The following KLF7 variants were observed in gnomAD, a reference collection of about 807,000 sequenced individuals.
KLF7 encodes the protein KLF transcription factor 7.
Under a neutral mutation model 27.3 loss-of-function variants are expected in KLF7, and 2 were observed. That is an observed-to-expected ratio of 0.07 (90% confidence interval 0.03 to 0.23). The LOEUF is 0.23. KLF7 is among the 10% of genes least tolerant of loss of function. The probability of loss-of-function intolerance (pLI) is 1.00; values close to 1 mark genes in which losing one functional copy is unlikely to be tolerated. For missense variants in KLF7, 221 were observed against 394.1 expected (o/e 0.56, Z 3.72); for synonymous variants, 165 against 162.4 (o/e 1.02, Z -0.12).
In KLF7 at chr2:207,081,127, G is replaced by T. The variant is rs2076261157; in HGVS notation, c.*86C>A. ...AGAACTTTCTTCTGCGAGGCAATGG[G>T]TCCCCGCCTGAAGTCCAGCCCCCTG... is the stretch of plus-strand genomic sequence containing the variant. On this transcript the variant is annotated 3_prime_UTR_variant, in exon 4 of 4. Coordinates refer to ENST00000309446, the MANE Select transcript of KLF7 (RefSeq NM_003709.4). The T allele has an allele frequency of 1.3e-5, 15 of 1,165,078 alleles. No individual in the cohort carries two copies. The highest frequency in any genetic ancestry group is 6.5e-6 in the Non-Finnish European group (5 of 771,826). The allele number at this position is 1,165,078 out of a possible 1,614,324, so 72.2% of individuals were successfully genotyped here.
intron 1 of KLF7, among the ~76,000 whole-genome samples, chr2:207,148,182 T>C (rs140549378): frequency 6.6e-6 from 1 of 152,328 alleles, no homozygotes; most frequent in African/African-American, 2.4e-5. Context: ...CTCAAGTGTT[T>C]TGTCACATTC....
At position 207,077,409 on chromosome 2, in the gene KLF7, G is replaced by T. The variant is rs1023651738; in HGVS notation, c.*3804C>A. Reference sequence around the variant, plus strand: ...GGATTCAGTTCTGCTAATCAGGCATGAGGTTGGCTGTCCTTTTACCCTGTT... The same window carrying T: ...GGATTCAGTTCTGCTAATCAGGCATTAGGTTGGCTGTCCTTTTACCCTGTT... On this transcript the variant is annotated 3_prime_UTR_variant, in exon 4 of 4. Coordinates refer to ENST00000309446, the MANE Select transcript of KLF7 (RefSeq NM_003709.4). 1.3e-5 allele frequency: 2 copies of T among 152,168 alleles called. No individual in the cohort carries two copies. Among genetic ancestry groups the T allele is most frequent in the Non-Finnish European group, 2.9e-5 (2 of 68,032 alleles). The allele number at this position is 152,168 out of a possible 1,614,324, so 9.4% of individuals were successfully genotyped here.
At chr2:207,169,266 C>A (rs866459085), upstream of KLF7, among the ~76,000 whole-genome samples, 4 of 152,266 alleles carry the variant, frequency 2.6e-5, no homozygotes, top group Middle Eastern at 6.8e-3. Flanking sequence ...ATTATCCCCC[C>A]ACCCGGGGGG....
intron 3 of KLF7, among the ~76,000 whole-genome samples, chr2:207,087,187 A>G (rs1419518954): frequency 2.6e-5 from 4 of 152,234 alleles, no homozygotes; most frequent in Non-Finnish European, 5.9e-5. Flanking sequence ...ATGGGAGACA[A>G]TAACTGCATA....
chr2:207,127,572 T>C (rs541922357), intron 1 of KLF7, among the ~76,000 whole-genome samples: 71 of 152,334 alleles, frequency 4.7e-4, no homozygotes, highest in Non-Finnish European at 7.9e-4. Flanking sequence ...CCGGGTGCAG[T>C]GGCTCATGCC....
At chr2:207,090,894 A>C (rs1341807623) in intron 2 of KLF7, among the ~76,000 whole-genome samples, 1 of 152,172 alleles carries the variant, frequency 6.6e-6, no homozygotes, top group African/African-American at 2.4e-5. Context: ...CAAACAAAAA[A>C]AGGAGAATGA....
At chr2:207,137,910 T>C (rs1006516493) in intron 1 of KLF7, among the ~76,000 whole-genome samples, 19 of 152,166 alleles carry the variant, frequency 1.2e-4, no homozygotes, top group Non-Finnish European at 1.9e-4. Context: ...AAATTGTGCT[T>C]TGCCCAATTC....
chr2:207,083,898 T>C (rs777456701), intron 3 of KLF7, among the ~76,000 whole-genome samples: 27 of 152,096 alleles, frequency 1.8e-4, no homozygotes, highest in Admixed American at 3.3e-4. Flanking sequence ...GTGGGCAGCT[T>C]CTAGAAGCTG....
At chr2:207,094,795 AT>A (rs35208619) in intron 2 of KLF7, among the ~76,000 whole-genome samples, 37,149 of 151,812 alleles carry the variant, frequency 0.24, 5,164 homozygotes, top group Middle Eastern at 0.32. Context: ...GGTCTTAAAT[AT>A]TTTTTTTCAA....
upstream of KLF7, chr2:207,167,021 G>C (rs2078736082): frequency 9.8e-6 from 9 of 921,926 alleles, no homozygotes; most frequent in South Asian, 3.7e-5. Flanking sequence ...GGCTAGAGTT[G>C]ATTGCAAGGG....
chr2:207,110,891 G>C, intron 2 of KLF7, among the ~76,000 whole-genome samples: 1 of 152,148 alleles, frequency 6.6e-6, no homozygotes. Flanking sequence ...CAGAGAAGAA[G>C]ACAGCTAAGG....
chr2:207,113,607 T>TG (rs532527898), intron 2 of KLF7, among the ~76,000 whole-genome samples: 3,859 of 64,334 alleles, frequency 0.06, 139 homozygotes, highest in South Asian at 0.11. Flanking sequence ...GAATGGGGGG[T>TG]GGGGGGGGGG....
At chr2:207,123,227 C>T (rs895680864) in intron 2 of KLF7, among the ~76,000 whole-genome samples, 3 of 151,992 alleles carry the variant, frequency 2.0e-5, no homozygotes, top group Non-Finnish European at 2.9e-5. Flanking sequence ...CCATAAAGCA[C>T]GCGCCAGAGA....
chr2:207,147,415 T>TC, intron 1 of KLF7, among the ~76,000 whole-genome samples: 1 of 152,328 alleles, frequency 6.6e-6, no homozygotes, highest in African/African-American at 2.4e-5. Context: ...CACTCTCCCC[T>TC]CCTTCTCCCT....
chr2:207,148,533 G>A (rs564355520), intron 1 of KLF7, among the ~76,000 whole-genome samples: 55 of 152,168 alleles, frequency 3.6e-4, no homozygotes, highest in Non-Finnish European at 7.3e-4. Context: ...AATCCTGGTA[G>A]CCTAGTGATC....
chr2:207,146,155 A>G (rs2078090454), intron 1 of KLF7, among the ~76,000 whole-genome samples: 1 of 152,206 alleles, frequency 6.6e-6, no homozygotes, highest in South Asian at 2.1e-4. Context: ...GTGAATACAT[A>G]AAGCACAAAG....
intron 1 of KLF7, among the ~76,000 whole-genome samples, chr2:207,138,635 T>C (rs2077853557): frequency 6.6e-6 from 1 of 152,188 alleles, no homozygotes; most frequent in Non-Finnish European, 1.5e-5. Flanking sequence ...GTGGTCCAAA[T>C]TAAGAATTCT....
intron 1 of KLF7, among the ~76,000 whole-genome samples, chr2:207,129,321 G>C (rs540788946): frequency 6.6e-6 from 1 of 152,174 alleles, no homozygotes; most frequent in African/African-American, 2.4e-5. Context: ...GAGGTACAAG[G>C]CTTCCCTCAG....
At chr2:207,124,694 G>T (rs995823076) in intron 1 of KLF7, among the ~76,000 whole-genome samples, 2 of 152,136 alleles carry the variant, frequency 1.3e-5, no homozygotes. Flanking sequence ...ATGATCTCTT[G>T]CCCCTCAATC....
Sources: gnomAD v4.1 joint callset for allele counts (sites outside exome capture counted in the v4.1 genomes callset) on GRCh38, gnomAD v4.1.1 for gene constraint, MANE v1.5 for transcripts, NCBI Gene and HGNC (gene_info 2026-07-23, HGNC 2026-07-21) for gene names.